Variants in MEOX2 observed in about 807,000 individuals in gnomAD.
MEOX2 encodes the protein homeobox protein MOX-2.
MEOX2 carries 11 observed loss-of-function variants against 27.0 expected under a neutral mutation model. That is an observed-to-expected ratio of 0.41 (90% CI 0.26 to 0.68). The LOEUF (loss-of-function observed/expected upper bound fraction) is 0.68, where lower values mean the gene tolerates loss of function less well. Ranked by LOEUF, MEOX2 falls within the 30% of genes least tolerant of loss-of-function variation. The pLI is 0.33. For synonymous variants in MEOX2, 189 were observed against 155.4 expected (o/e 1.22, Z -1.61); for missense variants, 436 against 385.4 (o/e 1.13, Z -1.10).
chr7:15,627,734 C>G (rs554148574), intron 1 of MEOX2, among the ~76,000 whole-genome samples: 2 of 151,328 alleles, frequency 1.3e-5, no homozygotes, highest in Non-Finnish European at 2.9e-5. Flanking sequence ...TTCTTTTATC[C>G]TCATAAATAC....
chr7:15,613,875 A>T (rs916464075), intron 2 of MEOX2, among the ~76,000 whole-genome samples: 1 of 151,966 alleles, frequency 6.6e-6, no homozygotes, highest in African/African-American at 2.4e-5. Context: ...ATGCTGCTAT[A>T]GACATTCTTG....
chr7:15,664,390 G>A (rs1458958629), intron 1 of MEOX2, among the ~76,000 whole-genome samples: 1 of 151,946 alleles, frequency 6.6e-6, no homozygotes, highest in Non-Finnish European at 1.5e-5. Flanking sequence ...GAATATATGT[G>A]CAGTTACTTT....
intron 2 of MEOX2, among the ~76,000 whole-genome samples, chr7:15,616,713 T>G (rs1781129110): frequency 6.6e-6 from 1 of 152,022 alleles, no homozygotes; most frequent in South Asian, 2.1e-4. Flanking sequence ...TTTTATATAA[T>G]AAGATTAATT....
At chr7:15,639,850 T>C (rs372085195) in intron 1 of MEOX2, among the ~76,000 whole-genome samples, 118 of 152,288 alleles carry the variant, frequency 7.7e-4, no homozygotes, top group African/African-American at 2.7e-3. Flanking sequence ...CCAAACTGTT[T>C]TGGTTACTAA....
At chr7:15,652,015 T>G (rs1781738446) in intron 1 of MEOX2, among the ~76,000 whole-genome samples, 2 of 152,010 alleles carry the variant, frequency 1.3e-5, no homozygotes, top group South Asian at 4.1e-4. Flanking sequence ...CTTCCCAGTC[T>G]TAGACTCTAC....
In MEOX2 at chr7:15,612,563, C is replaced by T. The variant is rs180977090; in HGVS notation, c.739G>A (p.Gly247Ser). Reference sequence around the variant, plus strand: ...CGAGCCGCAGCTCCTTGCTGTCCACCCTTTACCCTCTTCCACTTCATCCGC... The same window carrying T: ...CGAGCCGCAGCTCCTTGCTGTCCACTCTTTACCCTCTTCCACTTCATCCGC... ...NRRMKWKRVKGGQQGAAAREK... is the reference protein window; with the variant it reads ...NRRMKWKRVKSGQQGAAAREK... The change falls in exon 3 of 3, where the codon GGT becomes AGT. Residue 247 changes from glycine to serine, a missense_variant. Transcript: ENST00000262041. The T allele has an allele frequency of 2.0e-5, 33 of 1,614,008 alleles. No individual in the cohort carries two copies. Among genetic ancestry groups the T allele is most frequent in the Non-Finnish European group, 2.8e-5 (33 of 1,180,042 alleles).
At chr7:15,684,289 G>A (rs890424635) in intron 1 of MEOX2, among the ~76,000 whole-genome samples, 7 of 152,236 alleles carry the variant, frequency 4.6e-5, no homozygotes, top group Middle Eastern at 6.8e-3. Context: ...GATATCAAAT[G>A]TTCAGTTTAT....
At chr7:15,656,306 C>A (rs1048834364) in intron 1 of MEOX2, among the ~76,000 whole-genome samples, 4 of 151,810 alleles carry the variant, frequency 2.6e-5, no homozygotes, top group Non-Finnish European at 5.9e-5. Flanking sequence ...TTAAACCACT[C>A]TATCAATCTC....
intron 2 of MEOX2, among the ~76,000 whole-genome samples, chr7:15,614,951 A>AT (rs968574787): frequency 3.3e-5 from 5 of 151,986 alleles, no homozygotes; most frequent in African/African-American, 1.2e-4. Context: ...TCTATTCTGG[A>AT]TTTTTCTTGG....
chr7:15,656,915 G>C (rs1416029563), intron 1 of MEOX2, among the ~76,000 whole-genome samples: 3 of 151,870 alleles, frequency 2.0e-5, no homozygotes, highest in African/African-American at 7.3e-5. Flanking sequence ...CTTCACTTGA[G>C]AATGTCATGA....
In MEOX2 at chr7:15,685,988, G is replaced by T. The variant is rs1049360522; in HGVS notation, c.415C>A (p.Pro139Thr). Residue 139 changes from proline to threonine, a missense_variant, in exon 1 of 3, where the codon CCG (proline) becomes ACG (threonine). Physicochemically the swap from Pro to Thr is conservative, Grantham distance 38. Transcript: ENST00000262041. The stretch of plus-strand genomic sequence containing the variant: ...CCCGGCGCGCACGCGGCCCCAGTCG[G>T]GGTGCTGGAGCCCAAGCTGGAAGAG... ...SNSSSLGSST[P>T]TGAACAPGDY... 12 of 1,609,926 alleles carry T rather than the reference G, an allele frequency of 7.5e-6. No individual in the cohort carries two copies. The highest frequency in any genetic ancestry group is 8.5e-6 in the Non-Finnish European group (10 of 1,179,770).
intron 1 of MEOX2, among the ~76,000 whole-genome samples, chr7:15,641,252 A>G (rs1437434182): frequency 1.3e-5 from 2 of 151,802 alleles, no homozygotes; most frequent in Non-Finnish European, 2.9e-5. Flanking sequence ...CTCTTGGGAG[A>G]TTGTATGTTT....
chr7:15,643,193 C>G (rs73288111), intron 1 of MEOX2, among the ~76,000 whole-genome samples: 3,837 of 152,260 alleles, frequency 0.025, 162 homozygotes, highest in African/African-American at 0.087. Context: ...AGGTGAGAGG[C>G]AGTTGCACTG....
chr7:15,663,530 G>C (rs1405289422), intron 1 of MEOX2, among the ~76,000 whole-genome samples: 1 of 151,696 alleles, frequency 6.6e-6, no homozygotes, highest in Non-Finnish European at 1.5e-5. Context: ...CAGTAGAGAT[G>C]GGGCTTCACC....
rs747113547 is a variant in MEOX2, at chr7:15,686,356, G to A, written c.47C>T (p.Ala16Val). The A allele has an allele frequency of 1.9e-6, 3 of 1,593,294 alleles. No homozygotes were observed. The highest frequency in any genetic ancestry group is 2.6e-6 in the Non-Finnish European group (3 of 1,169,260). Residue 16 changes from alanine (A) to valine (V), a missense_variant, in exon 1 of 3, where the codon GCG becomes GTG. Ala to Val is a moderately conservative substitution (Grantham distance 64). Coordinates refer to ENST00000262041, the MANE Select transcript of MEOX2 (RefSeq NM_005924.5). Reference protein sequence around the residue: ...FGCLRSPHATAQGLHPFSQSS... With the variant: ...FGCLRSPHATVQGLHPFSQSS... ...TTGGGAGAACGGGTGCAAGCCTTGC[G>A]CCGTGGCGTGAGGGCTGCGCAGGCA...
At chr7:15,665,154 A>G (rs945901710) in intron 1 of MEOX2, among the ~76,000 whole-genome samples, 3 of 152,076 alleles carry the variant, frequency 2.0e-5, no homozygotes, top group African/African-American at 7.2e-5. Flanking sequence ...ACAATGTTAC[A>G]CATTTTGGCA....
At chr7:15,665,045 A>T (rs1781979199) in intron 1 of MEOX2, among the ~76,000 whole-genome samples, 1 of 80,230 alleles carries the variant, frequency 1.2e-5, no homozygotes, top group South Asian at 3.4e-4. Flanking sequence ...TGGACATCAC[A>T]CACACACACA....
intron 1 of MEOX2, among the ~76,000 whole-genome samples, chr7:15,648,472 T>C (rs1489297755): frequency 6.6e-6 from 1 of 152,076 alleles, no homozygotes; most frequent in East Asian, 1.9e-4. Flanking sequence ...GATGGCTCTC[T>C]TTTGGAAACT....
chr7:15,670,291 T>C (rs913176204), intron 1 of MEOX2, among the ~76,000 whole-genome samples: 1 of 152,240 alleles, frequency 6.6e-6, no homozygotes, highest in African/African-American at 2.4e-5. Context: ...ATTTGGTTGA[T>C]AGATGCAAGA....
Sources: allele counts gnomAD v4.1 joint callset (sites outside exome capture counted in the v4.1 genomes callset), GRCh38; gene constraint gnomAD v4.1.1; transcripts MANE v1.5; gene names NCBI Gene and HGNC (gene_info 2026-07-23, HGNC 2026-07-21).